B3GALT2: variants seen among roughly 807,000 people sequenced by gnomAD.
B3GALT2 encodes beta-1,3-galactosyltransferase 2.
A neutral mutation model predicts 33.5 loss-of-function variants in B3GALT2; 13 were observed. The ratio of observed to expected loss-of-function variants is 0.39; its 90% CI spans 0.25 to 0.62. B3GALT2 has a LOEUF of 0.62. Among genes scored for constraint, B3GALT2 ranks in the 20% least tolerant of loss-of-function variants. The pLI, the probability that B3GALT2 is intolerant of heterozygous loss-of-function variation, is 0.53. For missense variants in B3GALT2, 418 were observed against 509.1 expected, an observed-to-expected ratio of 0.82 and a Z score of 1.72; for synonymous variants, 195 against 172.7, an observed-to-expected ratio of 1.13 and a Z score of -1.01.
Position 193,180,783 on chromosome 1 carries a change from T to G in B3GALT2, c.780A>C (p.Glu260Asp). ...KTDSDMFVNT[E>D]YLINKLLKPD... ...GCTTCAGTAACTTATTGATTAAATA[T>G]TCAGTGTTGACAAACATGTCACTGT... Residue 260 changes from glutamate to aspartate, a missense_variant, in exon 2 of 2, where the codon GAA becomes GAC. Glu to Asp is a conservative substitution (Grantham distance 45, BLOSUM62 2). Coordinates refer to ENST00000367434, the MANE Select transcript of B3GALT2 (RefSeq NM_003783.3). 1 of 1,614,122 alleles carries G rather than the reference T, an allele frequency of 6.2e-7. No individual in the cohort carries two copies. Among genetic ancestry groups the G allele is most frequent in the East Asian group, 2.2e-5 (1 of 44,882 alleles).
In B3GALT2 at chr1:193,180,330, T is replaced by G; in HGVS notation, c.1233A>C (p.Glu411Asp). 1 of 1,590,928 alleles carries G rather than the reference T, an allele frequency of 6.3e-7. No individual in the cohort carries two copies. The highest frequency in any genetic ancestry group is 8.6e-7 in the Non-Finnish European group (1 of 1,168,246). Residue 411 changes from glutamate to aspartate, a missense_variant, in exon 2 of 2, where the codon GAA becomes GAC. Transcript: ENST00000367434. The stretch of plus-strand genomic sequence containing the variant: ...TACGGTGGCGATACCTGCCTGCCTT[T>G]TCTTTTGCTGCGTTGGCACAGGCAT... ...KHNACANAAK[E>D]KAGRYRHRKL...
chr1:193,182,024 A>G (rs1676725835), intron 1 of B3GALT2, among the ~76,000 whole-genome samples: 1 of 152,124 alleles, frequency 6.6e-6, no homozygotes, highest in Admixed American at 6.6e-5. Context: ...TTGTGTAAAA[A>G]CGCCTTAAGA....
In B3GALT2 at chr1:193,181,492, C is replaced by T. The variant is rs201702090; in HGVS notation, c.71G>A (p.Arg24His). 7.4e-6 allele frequency: 12 copies of T among 1,613,048 alleles called. No homozygotes were observed. The highest frequency in any genetic ancestry group is 4.0e-5 in the African/African-American group (3 of 74,924). The change falls in exon 2 of 2, where the codon CGC (arginine) becomes CAC (histidine). Residue 24 changes from arginine (R) to histidine (H), a missense_variant. Physicochemically the swap from Arg to His is conservative, Grantham distance 29. This residue lies in a region of B3GALT2 where 188 missense variants were observed against 197.5 expected (regional missense o/e 0.95). Coordinates refer to ENST00000367434, the MANE Select transcript of B3GALT2 (RefSeq NM_003783.3). The stretch of plus-strand genomic sequence containing the variant: ...AGAAAGTACTCCAATAAGATGAGTG[C>T]GGAACAGAGACCTTTTGGCATTCCA... ...MTWNAKRSLF[R>H]THLIGVLSLV...
chr1:193,180,075 C>A lies in B3GALT2; in HGVS notation c.*219G>T. 1 of 392,034 alleles carries A rather than the reference C, an allele frequency of 2.6e-6. No homozygotes were observed. 24.3% of individuals were successfully genotyped at this position (392,034 alleles called of 1,614,324 possible). ...ATTGCATGTTAATACACAGAATCTC[C>A]TTATACAGTTTTTTAAATAGATTGT... is the stretch of plus-strand genomic sequence containing the variant. On this transcript the variant is annotated 3_prime_UTR_variant, in exon 2 of 2. Coordinates refer to ENST00000367434, the MANE Select transcript of B3GALT2 (RefSeq NM_003783.3).
chr1:193,183,081 A>G (rs1449146910), intron 1 of B3GALT2, among the ~76,000 whole-genome samples: 1 of 151,996 alleles, frequency 6.6e-6, no homozygotes, highest in East Asian at 1.9e-4. Context: ...AATTACTTCT[A>G]GGAAATAGAA....
chr1:193,179,044 G>T lies in B3GALT2; in HGVS notation c.*1250C>A, dbSNP rs555301765. The T allele has an allele frequency of 2.6e-5, 4 of 152,244 alleles. No individual in the cohort carries two copies. The East Asian group carries it at 5.8e-4, about 22-fold the overall frequency. The allele number at this position is 152,244 out of a possible 1,614,324, so 9.4% of individuals were successfully genotyped here. On this transcript the variant is annotated 3_prime_UTR_variant, in exon 2 of 2. Transcript: ENST00000367434. ...ATTGTGAAAATACTTATAACACTCA[G>T]TAAAGTTTTTTGTTTTCCTTTATTT... is the stretch of plus-strand genomic sequence containing the variant.
chr1:193,184,259 A>C (rs1676767929), intron 1 of B3GALT2, among the ~76,000 whole-genome samples: 1 of 151,938 alleles, frequency 6.6e-6, no homozygotes, highest in Admixed American at 6.6e-5. Flanking sequence ...TTATTAAAAG[A>C]TTCTCAGGTC....
In B3GALT2 at chr1:193,179,480, T is replaced by A. The variant is rs1676673267; in HGVS notation, c.*814A>T. ...AGATATACATGAAATTAAATGGTGG[T>A]GCTGTTTAAGAGTGCAGTAATTGGT... is the stretch of plus-strand genomic sequence containing the variant. On this transcript the variant is annotated 3_prime_UTR_variant, in exon 2 of 2. Transcript: ENST00000367434. 6.6e-6 allele frequency: 1 copy of A among 152,650 alleles called. No individual in the cohort carries two copies. Among genetic ancestry groups the A allele is most frequent in the African/African-American group, 2.4e-5 (1 of 41,468 alleles). The allele number at this position is 152,650 out of a possible 1,614,324, so 9.5% of individuals were successfully genotyped here.
intron 1 of B3GALT2, among the ~76,000 whole-genome samples, chr1:193,182,338 C>T (rs942939704): frequency 3.3e-5 from 5 of 152,094 alleles, no homozygotes; most frequent in African/African-American, 1.2e-4. Context: ...AAAATTTTAA[C>T]TTTTCTTTGT....
At position 193,180,337 on chromosome 1, in the gene B3GALT2, G is replaced by C; in HGVS notation, c.1226C>G (p.Ala409Gly). 1 of 1,592,236 alleles carries C rather than the reference G, an allele frequency of 6.3e-7. No homozygotes were observed. Among genetic ancestry groups the C allele is most frequent in the East Asian group, 2.2e-5 (1 of 44,522 alleles). ...QNKHNACANA[A>G]KEKAGRYRHR... ...GCGATACCTGCCTGCCTTTTCTTTT[G>C]CTGCGTTGGCACAGGCATTGTGCTT... Residue 409 changes from alanine (A) to glycine (G), a missense_variant, in exon 2 of 2, where the codon GCA becomes GGA. Physicochemically the swap from Ala to Gly is moderately conservative, Grantham distance 60 (BLOSUM62 0). This residue lies in a region of B3GALT2 where 226 missense variants were observed against 293.9 expected (regional missense o/e 0.77). Coordinates refer to ENST00000367434, the MANE Select transcript of B3GALT2 (RefSeq NM_003783.3).
chr1:193,180,575 C>T lies in B3GALT2; in HGVS notation c.988G>A (p.Val330Ile), dbSNP rs1452172464. The T allele has an allele frequency of 7.4e-6, 12 of 1,614,108 alleles. No homozygotes were observed. The highest frequency in any genetic ancestry group is 1.0e-5 in the Non-Finnish European group (12 of 1,179,966). ...TGCAAACGGCGGATACCTAAAGAAACTTTAAAAATCTTTTCTGCCAGATCT... is the reference window on the plus strand; with the variant it reads ...TGCAAACGGCGGATACCTAAAGAAATTTTAAAAATCTTTTCTGCCAGATCT... Reference protein sequence around the residue: ...SGDLAEKIFKVSLGIRRLHLE... With the variant: ...SGDLAEKIFKISLGIRRLHLE... Residue 330 changes from valine (V) to isoleucine (I), a missense_variant, in exon 2 of 2, where the codon GTT becomes ATT. By Grantham distance (29) the Val-to-Ile change is conservative. This residue lies in a region of B3GALT2 where 226 missense variants were observed against 293.9 expected (regional missense o/e 0.77). Coordinates refer to ENST00000367434, the MANE Select transcript of B3GALT2 (RefSeq NM_003783.3).
At position 193,181,159 on chromosome 1, in the gene B3GALT2, TGG is replaced by T; in HGVS notation, c.402_403del (p.Tyr134Ter). The T allele has an allele frequency of 6.2e-7, 1 of 1,613,948 alleles. No individual in the cohort carries two copies. Among genetic ancestry groups the T allele is most frequent in the South Asian group, 1.1e-5 (1 of 91,060 alleles). ...AGGCTCATTAATAATATATTTGAAA[TGG>T]TAAGAATTTGGATGTCCAGTACCTT... On this transcript the variant is annotated stop_gained and frameshift_variant, in exon 2 of 2. Transcript: ENST00000367434. LOFTEE classifies it high-confidence loss of function.
chr1:193,181,164 A>G lies in B3GALT2; in HGVS notation c.399T>C (p.Ser133=). 1.2e-6 allele frequency: 2 copies of G among 1,613,936 alleles called. No homozygotes were observed. Among genetic ancestry groups the G allele is most frequent in the Non-Finnish European group, 1.7e-6 (2 of 1,179,934 alleles). Residue 133 remains serine, a synonymous_variant, in exon 2 of 2, where the codon TCT becomes TCC. Coordinates refer to ENST00000367434, the MANE Select transcript of B3GALT2 (RefSeq NM_003783.3). ...YNEKGTGHPN[S]YHFKYIINEP... Reference sequence around the variant, plus strand: ...CATTAATAATATATTTGAAATGGTAAGAATTTGGATGTCCAGTACCTTTTT... The same window carrying G: ...CATTAATAATATATTTGAAATGGTAGGAATTTGGATGTCCAGTACCTTTTT...
In B3GALT2 at chr1:193,179,642, A is replaced by T. The variant is rs1676676286; in HGVS notation, c.*652T>A. ...TTAGTTTTTCACATTTTACCACGTC[A>T]TGTCAAAATAATTTTCCCCCATATA... On this transcript the variant is annotated 3_prime_UTR_variant, in exon 2 of 2. Coordinates refer to ENST00000367434, the MANE Select transcript of B3GALT2 (RefSeq NM_003783.3). 1 of 152,598 alleles carries T rather than the reference A, an allele frequency of 6.6e-6. No homozygotes were observed. The highest frequency in any genetic ancestry group is 1.5e-5 in the Non-Finnish European group (1 of 68,012). 9.5% of individuals were successfully genotyped at this position (152,598 alleles called of 1,614,324 possible).
intron 1 of B3GALT2, among the ~76,000 whole-genome samples, chr1:193,183,687 T>C (rs2103161478): frequency 6.6e-6 from 1 of 151,856 alleles, no homozygotes; most frequent in East Asian, 1.9e-4. Flanking sequence ...TCCGCTCCAC[T>C]TCATAAGGAT....
intron 1 of B3GALT2, among the ~76,000 whole-genome samples, chr1:193,184,907 C>A (rs1676778897): frequency 6.6e-6 from 1 of 151,786 alleles, no homozygotes. Flanking sequence ...TAGATAATTA[C>A]TGAGTTGTGT....
intron 1 of B3GALT2, among the ~76,000 whole-genome samples, chr1:193,182,771 G>C (rs558425705): frequency 3.3e-5 from 5 of 152,162 alleles, no homozygotes; most frequent in Admixed American, 3.3e-4. Context: ...TTTTGTTGTT[G>C]TTTTTAGTTT....
Position 193,186,010 on chromosome 1 carries a change from T to C in B3GALT2, c.-121+9A>G, listed in dbSNP as rs751377674. 2.6e-5 allele frequency: 4 copies of C among 152,336 alleles called. No homozygotes were observed. The highest frequency in any genetic ancestry group is 3.2e-3 in the Middle Eastern group (1 of 316). 9.4% of individuals were successfully genotyped at this position (152,336 alleles called of 1,614,324 possible). On this transcript the variant is annotated intron_variant, in intron 1 of 1. Coordinates refer to ENST00000367434, the MANE Select transcript of B3GALT2 (RefSeq NM_003783.3). ...TTAAATGACTATCATACACAAGATA[T>C]TGACATACCTTCCTTGGTCAGGCCA...
chr1:193,181,654 T>G lies in B3GALT2; in HGVS notation c.-92A>C, dbSNP rs1676719193. On this transcript the variant is annotated 5_prime_UTR_variant, in exon 2 of 2. Transcript: ENST00000367434. The stretch of plus-strand genomic sequence containing the variant: ...TATTCTTTGGCAATCATTTTCTAAT[T>G]CAGTCACATTGTCTCTCTTGTAGTC... 4.2e-6 allele frequency: 5 copies of G among 1,178,084 alleles called. No individual in the cohort carries two copies. The Admixed American group carries it at 7.5e-5, about 18-fold the overall frequency. The allele number at this position is 1,178,084 out of a possible 1,614,324, so 73.0% of individuals were successfully genotyped here. A position where few individuals can be genotyped will look rare whatever the true frequency, so the allele number is the denominator to read the frequency against.
Sources: gnomAD v4.1 joint callset for allele counts (sites outside exome capture counted in the v4.1 genomes callset) on GRCh38, gnomAD v4.1.1 for gene constraint, gnomAD v4.1.1 regional missense constraint, MANE v1.5 for transcripts, NCBI Gene and HGNC (gene_info 2026-07-23, HGNC 2026-07-21) for gene names.